FAAH2: variants seen among roughly 807,000 people sequenced by gnomAD.
FAAH2 encodes fatty-acid amide hydrolase 2.
Under a neutral mutation model 36.9 loss-of-function variants are expected in FAAH2, and 60 were observed. The ratio of observed to expected loss-of-function variants is 1.63; its 90% CI spans 1.32 to 2.02. The LOEUF (loss-of-function observed/expected upper bound fraction) is 2.02. FAAH2 is among the 30% of genes most tolerant of loss of function. The pLI, the probability that FAAH2 is intolerant of heterozygous loss-of-function variation, is 0.00. For missense variants in FAAH2, 689 were observed against 397.5 expected (o/e 1.73, Z -6.23); for synonymous variants, 214 against 143.8 (o/e 1.49, Z -3.49).
intron 7 of FAAH2, among the ~76,000 whole-genome samples, chrX:57,418,647 G>A (rs1362735318): frequency 9.1e-6 from 1 of 110,435 alleles, no homozygotes; most frequent in Non-Finnish European, 1.9e-5. Context: ...ATCTGGCTGG[G>A]AGCTGCAGAC....
intron 7 of FAAH2, among the ~76,000 whole-genome samples, chrX:57,381,876 T>C (rs1163155039): frequency 2.7e-5 from 3 of 111,690 alleles, no homozygotes; most frequent in Non-Finnish European, 5.6e-5. Flanking sequence ...ATGTACATTC[T>C]TCTCAGCACC....
chrX:57,267,264 G>A, the FAAH2 span, among the ~76,000 whole-genome samples: 7 of 112,851 alleles, frequency 6.2e-5, no homozygotes, highest in African/African-American at 1.9e-4. Flanking sequence ...TCAGCATGCA[G>A]GAGTGCACTA....
chrX:57,464,813 A>G (rs949447457), intron 10 of FAAH2, among the ~76,000 whole-genome samples: 2 of 111,627 alleles, frequency 1.8e-5, no homozygotes, highest in Non-Finnish European at 3.8e-5. Flanking sequence ...CAAGTAACAA[A>G]TCTACATGAT....
At chrX:57,155,315 A>G in the FAAH2 span, among the ~76,000 whole-genome samples, 3 of 109,382 alleles carry the variant, frequency 2.7e-5, no homozygotes, top group African/African-American at 1.0e-4. Flanking sequence ...CTGAGGTGAG[A>G]CTCTCCTTGG....
intron 8 of FAAH2, among the ~76,000 whole-genome samples, chrX:57,445,122 C>CT (rs768683728): frequency 1.8e-5 from 2 of 111,527 alleles, no homozygotes; most frequent in South Asian, 7.6e-4. Flanking sequence ...TTGGCCCATC[C>CT]TTATTGAAAG....
intron 7 of FAAH2, among the ~76,000 whole-genome samples, chrX:57,384,551 G>A (rs1160803814): frequency 9.0e-6 from 1 of 111,383 alleles, no homozygotes; most frequent in African/African-American, 3.2e-5. Context: ...AGACATTTAT[G>A]CAGCCAAAAG....
In FAAH2 at chrX:57,409,180, T is replaced by C. The variant is rs988259322; in HGVS notation, c.997-22738T>C. Among the ~76,000 whole-genome samples the C allele has an allele frequency of 4.5e-5, 5 of 111,742 alleles. No individual in the cohort carries two copies. The Admixed American group carries it at 4.8e-4, about 11-fold the overall frequency. On this transcript the variant is annotated intron_variant, in intron 7 of 10. Transcript: ENST00000374900. The stretch of plus-strand genomic sequence containing the variant: ...TATTATGCGACCACCATCATAAATA[T>C]GGTTCATTATTGACCAAAACATCAT...
intron 5 of FAAH2, among the ~76,000 whole-genome samples, chrX:57,355,421 A>G (rs1017882296): frequency 1.8e-5 from 2 of 111,403 alleles, no homozygotes; most frequent in African/African-American, 6.5e-5. Flanking sequence ...TAAGGGAAGA[A>G]AAAATAATCC....
the FAAH2 span, among the ~76,000 whole-genome samples, chrX:57,173,388 GT>G: frequency 8.9e-6 from 1 of 112,117 alleles, no homozygotes; most frequent in East Asian, 2.8e-4. Context: ...CTTGGTCAGT[GT>G]TGGTGTATAG....
intron 5 of FAAH2, among the ~76,000 whole-genome samples, chrX:57,377,590 C>T (rs897738585): frequency 8.9e-6 from 1 of 111,930 alleles, no homozygotes; most frequent in Non-Finnish European, 1.9e-5. Context: ...GATGTCTCCA[C>T]CTTTGTTCTT....
At chrX:57,347,670 T>C (rs2053864662) in intron 5 of FAAH2, among the ~76,000 whole-genome samples, 1 of 104,294 alleles carries the variant, frequency 9.6e-6, no homozygotes, top group Admixed American at 1.0e-4. Context: ...TCATAATTCT[T>C]GCACTTATTC....
chrX:57,392,581 G>A (rs2055192161), intron 7 of FAAH2: 1 of 818,985 alleles, frequency 1.2e-6, no homozygotes, highest in Non-Finnish European at 1.8e-6. Context: ...AACTCCCAGT[G>A]GGCCTGAATA....
At chrX:57,137,351 C>G in the FAAH2 span, 1 of 757,638 alleles carries the variant, frequency 1.3e-6, no homozygotes, top group Admixed American at 7.9e-5. Flanking sequence ...AGGGTAGGAT[C>G]CATAGATGAG....
chrX:57,348,723 G>A (rs1264103857), intron 5 of FAAH2, among the ~76,000 whole-genome samples: 1 of 111,247 alleles, frequency 9.0e-6, no homozygotes, highest in African/African-American at 3.3e-5. Flanking sequence ...ACTGCTGCAT[G>A]CGTCTTGAGC....
At chrX:57,356,485 G>A (rs981254869) in intron 5 of FAAH2, among the ~76,000 whole-genome samples, 98 of 110,727 alleles carry the variant, frequency 8.9e-4, no homozygotes, top group African/African-American at 3.1e-3. Flanking sequence ...CTCTTAGTAT[G>A]TTGTGTGTTT....
At chrX:57,289,036 A>G (rs2051901768) in intron 1 of FAAH2, among the ~76,000 whole-genome samples, 1 of 112,153 alleles carries the variant, frequency 8.9e-6, no homozygotes, top group Non-Finnish European at 1.9e-5. Flanking sequence ...AACACCTACC[A>G]TGTGCCACTT....
chrX:57,425,827 G>T (rs933145701), intron 7 of FAAH2, among the ~76,000 whole-genome samples: 1 of 93,994 alleles, frequency 1.1e-5, no homozygotes, highest in African/African-American at 3.7e-5. Flanking sequence ...ATTATGACAG[G>T]AACAAAACGT....
chrX:57,415,807 C>G (rs936750352), intron 7 of FAAH2, among the ~76,000 whole-genome samples: 4 of 110,731 alleles, frequency 3.6e-5, no homozygotes, highest in Admixed American at 2.9e-4. Flanking sequence ...TTTGATCTGT[C>G]TAATATTGAC....
chrX:57,434,131 C>G (rs1204313381), intron 8 of FAAH2, among the ~76,000 whole-genome samples: 1 of 101,465 alleles, frequency 9.9e-6, no homozygotes, highest in Non-Finnish European at 2.0e-5. Flanking sequence ...GTTGCCTAGG[C>G]TAGATTGCAG....
Sources: gnomAD v4.1 joint callset for allele counts (sites outside exome capture counted in the v4.1 genomes callset) on GRCh38, gnomAD v4.1.1 for gene constraint, MANE v1.5 for transcripts, NCBI Gene and HGNC (gene_info 2026-07-23, HGNC 2026-07-21) for gene names.